Variants in ALCAM observed in about 807,000 individuals in gnomAD.
ALCAM encodes activated leukocyte cell adhesion molecule.
ALCAM carries 30 observed loss-of-function variants against 70.9 expected under a neutral mutation model. The ratio of observed to expected loss-of-function variants is 0.42; its 90% CI spans 0.32 to 0.57. The LOEUF (loss-of-function observed/expected upper bound fraction) is 0.57, where lower values mean the gene tolerates loss of function less well. Among genes scored for constraint, ALCAM ranks in the 20% least tolerant of loss-of-function variants. The pLI, the probability that ALCAM is intolerant of heterozygous loss-of-function variation, is 0.11. For missense variants in ALCAM, 591 were observed against 695.1 expected, an observed-to-expected ratio of 0.85 and a Z score of 1.68; for synonymous variants, 249 against 242.5, an observed-to-expected ratio of 1.03 and a Z score of -0.25.
At chr3:105,383,051 C>G (rs1329396513) in intron 1 of ALCAM, among the ~76,000 whole-genome samples, 1 of 151,718 alleles carries the variant, frequency 6.6e-6, no homozygotes. Context: ...TTGTTATTCA[C>G]GTCTCTGTCT....
At chr3:105,391,950 T>A (rs1246192631) in intron 1 of ALCAM, among the ~76,000 whole-genome samples, 2 of 152,076 alleles carry the variant, frequency 1.3e-5, no homozygotes, top group Non-Finnish European at 2.9e-5. Context: ...GATAAGCTTT[T>A]TGATGTGCTG....
At chr3:105,503,764 C>T (rs1018603333) in intron 1 of ALCAM, among the ~76,000 whole-genome samples, 1 of 152,190 alleles carries the variant, frequency 6.6e-6, no homozygotes, top group African/African-American at 2.4e-5. Flanking sequence ...TTCCTTCCAT[C>T]ACCTCCTACA....
chr3:105,500,730 C>G (rs1938897289), intron 1 of ALCAM, among the ~76,000 whole-genome samples: 1 of 152,178 alleles, frequency 6.6e-6, no homozygotes, highest in Non-Finnish European at 1.5e-5. Flanking sequence ...TTCTCTGGTC[C>G]TTAGCTTCTT....
chr3:105,512,737 A>T (rs1265418873), intron 1 of ALCAM, among the ~76,000 whole-genome samples: 1 of 151,774 alleles, frequency 6.6e-6, no homozygotes, highest in Non-Finnish European at 1.5e-5. Context: ...GGGAGAGGGG[A>T]GCAGAAGGAA....
chr3:105,444,557 C>G (rs900248990), intron 1 of ALCAM, among the ~76,000 whole-genome samples: 2 of 151,966 alleles, frequency 1.3e-5, no homozygotes, highest in African/African-American at 4.8e-5. Context: ...AACCATATCA[C>G]CAACATAATA....
At chr3:105,374,752 A>G (rs1182829113) in intron 1 of ALCAM, among the ~76,000 whole-genome samples, 2 of 152,242 alleles carry the variant, frequency 1.3e-5, no homozygotes, top group Admixed American at 6.5e-5. Flanking sequence ...TCCTGGCCTC[A>G]GGTGATCTAC....
chr3:105,552,612 C>G, intron 14 of ALCAM, 27 bp downstream of exon 14: 5 of 1,610,220 alleles, frequency 3.1e-6, no homozygotes, highest in Non-Finnish European at 4.2e-6. Context: ...AGATCTTCAT[C>G]GTTCATTGAC....
At chr3:105,556,520 T>C (rs1393208576) in intron 14 of ALCAM, among the ~76,000 whole-genome samples, 1 of 152,058 alleles carries the variant, frequency 6.6e-6, no homozygotes, top group Non-Finnish European at 1.5e-5. Context: ...TTCTGCCTTA[T>C]ACGATGCTTT....
chr3:105,533,528 C>A (rs968036322), intron 4 of ALCAM, 75 bp from the exon 5 acceptor site: 1 of 1,294,238 alleles, frequency 7.7e-7, no homozygotes, highest in Non-Finnish European at 1.1e-6. Flanking sequence ...CTCTGCATTG[C>A]CTGAGTTTCT....
At chr3:105,504,656 C>CGATG (rs1266957322) in intron 1 of ALCAM, among the ~76,000 whole-genome samples, 4 of 152,218 alleles carry the variant, frequency 2.6e-5, no homozygotes, top group African/African-American at 9.6e-5. Context: ...TTCCCCCCGC[C>CGATG]GATGTGCTGC....
At chr3:105,474,835 C>T (rs149329226) in intron 1 of ALCAM, among the ~76,000 whole-genome samples, 1 of 151,534 alleles carries the variant, frequency 6.6e-6, no homozygotes, top group Non-Finnish European at 1.5e-5. Context: ...TATTGGCTTA[C>T]TAGTTGTTGT....
intron 3 of ALCAM, among the ~76,000 whole-genome samples, chr3:105,528,013 C>T (rs934845232): frequency 6.6e-6 from 1 of 152,132 alleles, no homozygotes; most frequent in Non-Finnish European, 1.5e-5. Flanking sequence ...ACCTTTTGCT[C>T]ACAGTAGTTG....
At chr3:105,385,329 G>A (rs1360309506) in intron 1 of ALCAM, among the ~76,000 whole-genome samples, 1 of 151,530 alleles carries the variant, frequency 6.6e-6, no homozygotes, top group African/African-American at 2.4e-5. Context: ...AAAAGCTGGA[G>A]GACAAGTGAA....
chr3:105,531,602 T>G (rs1939841084), intron 3 of ALCAM, among the ~76,000 whole-genome samples: 1 of 152,064 alleles, frequency 6.6e-6, no homozygotes, highest in Non-Finnish European at 1.5e-5. Context: ...ATCTTTGTGA[T>G]TCTGGTTCAT....
intron 1 of ALCAM, among the ~76,000 whole-genome samples, chr3:105,491,310 T>C (rs1179748271): frequency 6.6e-6 from 1 of 152,182 alleles, no homozygotes; most frequent in Non-Finnish European, 1.5e-5. Context: ...TATGATGAGA[T>C]TGGCTGACGC....
At position 105,367,184 on chromosome 3, in the gene ALCAM, T is replaced by C; in HGVS notation, c.-225T>C. The C allele has an allele frequency of 1.8e-6, 1 of 556,206 alleles. No homozygotes were observed. Among genetic ancestry groups the C allele is most frequent in the Non-Finnish European group, 3.2e-6 (1 of 308,728 alleles). The allele number at this position is 556,206 out of a possible 1,614,324, so 34.5% of individuals were successfully genotyped here. A position where few individuals can be genotyped will look rare whatever the true frequency, so the allele number is the denominator to read the frequency against. ...AGGAGCAGCCGAAGGGCCCGTGGGC[T>C]GGTGTTGACCGGGAGGGAGGAGGAG... is the stretch of plus-strand genomic sequence containing the variant. On this transcript the variant is annotated 5_prime_UTR_variant, in exon 1 of 16. Transcript: ENST00000306107.
At chr3:105,455,922 C>T (rs1216225392) in intron 1 of ALCAM, among the ~76,000 whole-genome samples, 2 of 152,100 alleles carry the variant, frequency 1.3e-5, no homozygotes, top group East Asian at 3.9e-4. Flanking sequence ...AAACCCATCT[C>T]TACTAAAAAC....
At chr3:105,396,558 C>A (rs1023620255) in intron 1 of ALCAM, among the ~76,000 whole-genome samples, 2 of 151,998 alleles carry the variant, frequency 1.3e-5, no homozygotes, top group African/African-American at 2.4e-5. Flanking sequence ...AGCATTAGTA[C>A]AAATTGAGTT....
intron 1 of ALCAM, among the ~76,000 whole-genome samples, chr3:105,506,252 C>A (rs1218898981): frequency 6.6e-6 from 1 of 152,134 alleles, no homozygotes; most frequent in East Asian, 1.9e-4. Context: ...TAAATTGATT[C>A]TAGGGGTGGT....
Sources: allele counts gnomAD v4.1 joint callset (sites outside exome capture counted in the v4.1 genomes callset), GRCh38; gene constraint gnomAD v4.1.1; transcripts MANE v1.5; gene names NCBI Gene and HGNC (gene_info 2026-07-23, HGNC 2026-07-21).